The following SPAG9 variants were observed in gnomAD, a reference collection of about 807,000 sequenced individuals.
SPAG9 encodes the protein sperm associated antigen 9.
Under a neutral mutation model 166.5 loss-of-function variants are expected in SPAG9, and 35 were observed. That is an observed-to-expected ratio of 0.21 (90% CI 0.16 to 0.28). SPAG9 has a LOEUF of 0.28. SPAG9 is among the 10% of genes least tolerant of loss of function. SPAG9 has a pLI of 1.00. For synonymous variants in SPAG9, 534 were observed against 565.5 expected (o/e 0.94, Z 0.79); for missense variants, 1,235 against 1,603.3 (o/e 0.77, Z 3.92).
At chr17:51,083,700 T>C (rs901911165) in intron 1 of SPAG9, among the ~76,000 whole-genome samples, 3 of 152,022 alleles carry the variant, frequency 2.0e-5, no homozygotes, top group Admixed American at 2.0e-4. Context: ...GAACTACATG[T>C]GTGAGCCACC....
At chr17:50,981,038 C>T (rs976721663) in intron 25 of SPAG9, among the ~76,000 whole-genome samples, 2 of 152,058 alleles carry the variant, frequency 1.3e-5, no homozygotes, top group African/African-American at 2.4e-5. Context: ...TATAATTAAA[C>T]TAAAAGGAAC....
At chr17:51,015,179 A>T (rs558050343) in intron 8 of SPAG9, among the ~76,000 whole-genome samples, 1 of 152,318 alleles carries the variant, frequency 6.6e-6, no homozygotes, top group South Asian at 2.1e-4. Flanking sequence ...AACAGTAGAA[A>T]GTGATTCAAT....
Position 50,993,860 on chromosome 17 carries a change from T to C in SPAG9, c.2302A>G (p.Thr768Ala). Residue 768 changes from threonine (T) to alanine (A), a missense_variant, in exon 19 of 30, where the codon ACA (threonine) becomes GCA (alanine). By Grantham distance (58) the Thr-to-Ala change is moderately conservative (BLOSUM62 0). Around this residue, in one of 6 missense-constraint regions of SPAG9, gnomAD observed 493 missense variants for 559.4 expected, o/e 0.88. Transcript: ENST00000262013. ...VWICTSTHSA[T>A]KVLIIDAVQP... Reference sequence around the variant, plus strand: ...ACAGCATCAATAATAAGAACTTTTGTAGCCGAATGAGTGCTGGTACAGATC... The same window carrying C: ...ACAGCATCAATAATAAGAACTTTTGCAGCCGAATGAGTGCTGGTACAGATC... 6.2e-7 allele frequency: 1 copy of C among 1,614,212 alleles called. No homozygotes were observed. Among genetic ancestry groups the C allele is most frequent in the Non-Finnish European group, 8.5e-7 (1 of 1,180,028 alleles).
At chr17:51,091,944 A>G (rs2048478044) in intron 1 of SPAG9, among the ~76,000 whole-genome samples, 2 of 151,110 alleles carry the variant, frequency 1.3e-5, no homozygotes, top group South Asian at 2.1e-4. Flanking sequence ...TGTTCTGGGG[A>G]AAAACAAATG....
intron 6 of SPAG9, among the ~76,000 whole-genome samples, chr17:51,022,120 C>A (rs1425147192): frequency 8.2e-6 from 1 of 121,822 alleles, no homozygotes; most frequent in African/African-American, 3.5e-5. Flanking sequence ...TAGACTCCAT[C>A]TCAAAAAAAA....
chr17:51,005,572 C>T (rs181487551), intron 11 of SPAG9, among the ~76,000 whole-genome samples: 9 of 152,308 alleles, frequency 5.9e-5, no homozygotes, highest in Admixed American at 2.6e-4. Context: ...ATATTTAGGC[C>T]GGGTGCAGTG....
At chr17:51,048,403 G>T (rs2047089455) in intron 3 of SPAG9, among the ~76,000 whole-genome samples, 1 of 151,402 alleles carries the variant, frequency 6.6e-6, no homozygotes, top group African/African-American at 2.4e-5. Context: ...ATATTAAGAG[G>T]CAAGCAAAGG....
intron 1 of SPAG9, among the ~76,000 whole-genome samples, chr17:51,084,454 T>C (rs1270179969): frequency 1.3e-5 from 2 of 151,988 alleles, no homozygotes; most frequent in African/African-American, 2.4e-5. Context: ...AGTGGTGCCA[T>C]CTCAGCTAAC....
intron 2 of SPAG9, among the ~76,000 whole-genome samples, chr17:51,065,408 A>G (rs2047635336): frequency 6.6e-6 from 1 of 152,196 alleles, no homozygotes; most frequent in Admixed American, 6.5e-5. Flanking sequence ...TCTTAATTTA[A>G]TAACCTGTTT....
At chr17:51,117,708 C>CAAA (rs397856959) in intron 1 of SPAG9, among the ~76,000 whole-genome samples, 808 of 41,650 alleles carry the variant, frequency 0.019, 57 homozygotes, top group African/African-American at 0.068. Context: ...GACTCCGTCT[C>CAAA]AAAAAAAAAA....
intron 5 of SPAG9, among the ~76,000 whole-genome samples, chr17:51,039,522 G>A (rs1022765776): frequency 2.0e-5 from 3 of 152,064 alleles, no homozygotes; most frequent in Admixed American, 6.5e-5. Flanking sequence ...TATCTCATTC[G>A]GTGGCTCCAG....
chr17:50,993,993 A>C, intron 18 of SPAG9, 58 bp from the exon 19 acceptor site: 1 of 1,454,962 alleles, frequency 6.9e-7, no homozygotes, highest in Non-Finnish European at 9.5e-7. Flanking sequence ...AATATTCATA[A>C]GGTGGTGCTG....
chr17:51,073,260 G>A (rs139041250), intron 2 of SPAG9, among the ~76,000 whole-genome samples: 3,746 of 151,882 alleles, frequency 0.025, 169 homozygotes, highest in East Asian at 0.19. Context: ...CCCAGGAGGC[G>A]GAGCTTGCAG....
intron 5 of SPAG9, among the ~76,000 whole-genome samples, chr17:51,034,860 C>T (rs182374448): frequency 1.1e-4 from 16 of 152,166 alleles, no homozygotes; most frequent in African/African-American, 3.4e-4. Flanking sequence ...AAATACATAA[C>T]CTCAATCTAA....
At chr17:51,069,176 T>C (rs2047751430) in intron 2 of SPAG9, among the ~76,000 whole-genome samples, 1 of 151,982 alleles carries the variant, frequency 6.6e-6, no homozygotes, top group South Asian at 2.1e-4. Context: ...AGCTGCCTCA[T>C]TAAAAAAACT....
At chr17:51,073,868 C>T (rs1396991613) in intron 2 of SPAG9, among the ~76,000 whole-genome samples, 2 of 151,912 alleles carry the variant, frequency 1.3e-5, no homozygotes, top group African/African-American at 2.4e-5. Context: ...TTTGGGAGGC[C>T]GAGGTGGGCG....
At chr17:51,077,029 T>TCTATCTAGCTATCTAG in intron 2 of SPAG9, among the ~76,000 whole-genome samples, 1 of 65,344 alleles carries the variant, frequency 1.5e-5, no homozygotes, top group African/African-American at 5.6e-5. Context: ...TATCTAGCTA[T>TCTATCTAGCTATCTAG]CTATCTAGCT....
intron 15 of SPAG9, 168 bp downstream of exon 15, chr17:50,998,276 C>G: frequency 2.0e-6 from 1 of 512,434 alleles, no homozygotes; most frequent in Non-Finnish European, 3.4e-6. Context: ...GTGATCCGCC[C>G]ACCTCGGTCT....
chr17:51,080,933 T>C (rs1398089631), intron 1 of SPAG9, among the ~76,000 whole-genome samples: 3 of 148,936 alleles, frequency 2.0e-5, no homozygotes, highest in African/African-American at 7.6e-5. Context: ...TTCTTAAATT[T>C]AGCATGTGAA....
Sources: gnomAD v4.1 joint callset for allele counts (sites outside exome capture counted in the v4.1 genomes callset) on GRCh38, gnomAD v4.1.1 for gene constraint, gnomAD v4.1.1 regional missense constraint, MANE v1.5 for transcripts, NCBI Gene and HGNC (gene_info 2026-07-23, HGNC 2026-07-21) for gene names.